RNF8: variants seen among roughly 807,000 people sequenced by gnomAD.
RNF8 encodes the protein ring finger protein 8.
A neutral mutation model predicts 59.3 loss-of-function variants in RNF8; 8 were observed. The ratio of observed to expected loss-of-function variants is 0.13; its 90% confidence interval spans 0.08 to 0.24. RNF8 has a LOEUF of 0.24. RNF8 is among the 10% of genes least tolerant of loss of function. The pLI, the probability that RNF8 is intolerant of heterozygous loss-of-function variation, is 1.00. For missense variants in RNF8, 406 were observed against 572.6 expected, an observed-to-expected ratio of 0.71 and a Z score of 2.97; for synonymous variants, 162 against 200.0, an observed-to-expected ratio of 0.81 and a Z score of 1.60.
At chr6:37,380,793 G>A (rs565350588) in intron 6 of RNF8, among the ~76,000 whole-genome samples, 4 of 151,656 alleles carry the variant, frequency 2.6e-5, no homozygotes, top group South Asian at 2.1e-4. Context: ...AGCAATTCTC[G>A]TGCCTCAGCC....
chr6:37,371,165 C>A (rs1769785504), intron 3 of RNF8, among the ~76,000 whole-genome samples: 1 of 152,102 alleles, frequency 6.6e-6, no homozygotes, highest in African/African-American at 2.4e-5. Context: ...GGAATTACAT[C>A]TGAGTTTAGG....
At position 37,386,330 on chromosome 6, in the gene RNF8, C is replaced by T. The variant is rs534337577; in HGVS notation, c.1442-4412C>T. ...TTGTCTCTGTAATCCTTGTGATTTC[C>T]GAATGGTCCTTCCATCTGGAGGTCA... On this transcript the variant is annotated intron_variant, in intron 7 of 7. Transcript: ENST00000373479. 6.6e-4 allele frequency among the ~76,000 whole-genome samples: 101 copies of T among 152,174 alleles called. 1 individual carries two copies. Among genetic ancestry groups the T allele is most frequent in the Non-Finnish European group, 1.2e-3 (84 of 68,006 alleles).
chr6:37,382,599 G>A (rs1770320031), intron 7 of RNF8, among the ~76,000 whole-genome samples: 1 of 152,086 alleles, frequency 6.6e-6, no homozygotes, highest in Admixed American at 6.6e-5. Flanking sequence ...GGTGGACCTA[G>A]GGACACCCAT....
At chr6:37,382,526 G>C (rs905030265) in intron 7 of RNF8, among the ~76,000 whole-genome samples, 8 of 152,094 alleles carry the variant, frequency 5.3e-5, no homozygotes, top group Admixed American at 5.2e-4. Context: ...CTTTTTGAGA[G>C]GAGCAGTGAT....
At chr6:37,358,195 C>T (rs1040898883) in intron 1 of RNF8, among the ~76,000 whole-genome samples, 2 of 152,150 alleles carry the variant, frequency 1.3e-5, no homozygotes, top group East Asian at 3.9e-4. Flanking sequence ...GGAACAACAA[C>T]AACAAAAAAG....
intron 7 of RNF8, 85 bp downstream of exon 7, chr6:37,381,439 G>A: frequency 1.6e-6 from 2 of 1,244,830 alleles, no homozygotes; most frequent in South Asian, 2.8e-5. Flanking sequence ...AAGAGAAAGA[G>A]TCAGATAAAC....
chr6:37,377,350 T>G (rs1233509551), intron 6 of RNF8, among the ~76,000 whole-genome samples: 3 of 152,188 alleles, frequency 2.0e-5, no homozygotes, highest in Non-Finnish European at 4.4e-5. Flanking sequence ...GTGCTGGGAT[T>G]ACAGGTGTGA....
At chr6:37,356,923 G>A (rs1562082664) in intron 1 of RNF8, among the ~76,000 whole-genome samples, 1 of 152,208 alleles carries the variant, frequency 6.6e-6, no homozygotes, top group Non-Finnish European at 1.5e-5. Flanking sequence ...GTTTTCAATA[G>A]AGGTGGGGTT....
intron 6 of RNF8, among the ~76,000 whole-genome samples, chr6:37,377,547 C>T (rs1210702329): frequency 6.6e-6 from 1 of 152,202 alleles, no homozygotes; most frequent in Non-Finnish European, 1.5e-5. Flanking sequence ...TCTTTCCCTT[C>T]ACTGTCCTTT....
At chr6:37,367,748 A>T (rs897462196) in intron 2 of RNF8, among the ~76,000 whole-genome samples, 1 of 152,222 alleles carries the variant, frequency 6.6e-6, no homozygotes, top group African/African-American at 2.4e-5. Flanking sequence ...TCATTGTGCT[A>T]AGTGATTTAC....
intron 4 of RNF8, among the ~76,000 whole-genome samples, chr6:37,373,770 G>C (rs1258118748): frequency 6.6e-6 from 1 of 152,180 alleles, no homozygotes; most frequent in Non-Finnish European, 1.5e-5. Flanking sequence ...AGTGTGTCAA[G>C]TTGAAGACCC....
rs534792313 is a variant in RNF8 at position 37,363,399 on chromosome 6, G to A, written c.240+2825G>A. ...ATGTTTGCTACACATTATAGTCAATGAAGGGTTTATACTGAGGTATCTGCA... is the reference window on the plus strand; with the variant it reads ...ATGTTTGCTACACATTATAGTCAATAAAGGGTTTATACTGAGGTATCTGCA... On this transcript the variant is annotated intron_variant, in intron 2 of 7. Transcript: ENST00000373479. Among the ~76,000 whole-genome samples the A allele has an allele frequency of 9.2e-5, 14 of 152,330 alleles. No homozygotes were observed. In the South Asian group the frequency reaches 2.9e-3, roughly 32 times the overall value.
At chr6:37,354,951 G>A (rs534311986) in intron 1 of RNF8, among the ~76,000 whole-genome samples, 1 of 152,358 alleles carries the variant, frequency 6.6e-6, no homozygotes, top group East Asian at 1.9e-4. Context: ...GAGGAACATG[G>A]GCGGCTTGGG....
chr6:37,380,670 CAAA>C (rs1270420232), intron 6 of RNF8, among the ~76,000 whole-genome samples: 4 of 105,158 alleles, frequency 3.8e-5, no homozygotes, highest in African/African-American at 9.6e-5. Flanking sequence ...GACTCCGTCT[CAAA>C]AAAAAAAAAA....
Position 37,354,191 on chromosome 6 carries a change from A to C in RNF8, c.27A>C (p.Thr9=). MGEPGFFV[T]GDRAGGRSWC... Reference sequence around the variant, plus strand: ...TGGGGGAGCCCGGCTTCTTCGTCACAGGAGACCGCGCCGGTGGCCGGAGCT... The same window carrying C: ...TGGGGGAGCCCGGCTTCTTCGTCACCGGAGACCGCGCCGGTGGCCGGAGCT... The change falls in exon 1 of 8, where the codon ACA becomes ACC. Residue 9 remains threonine, a synonymous_variant. Coordinates refer to ENST00000373479, the MANE Select transcript of RNF8 (RefSeq NM_003958.4). 6.3e-7 allele frequency: 1 copy of C among 1,583,864 alleles called. No individual in the cohort carries two copies. Among genetic ancestry groups the C allele is most frequent in the Non-Finnish European group, 8.6e-7 (1 of 1,165,894 alleles).
intron 1 of RNF8, among the ~76,000 whole-genome samples, chr6:37,354,948 A>G (rs565288424): frequency 2.0e-5 from 3 of 152,204 alleles, no homozygotes; most frequent in Non-Finnish European, 4.4e-5. Flanking sequence ...TCTGAGGAAC[A>G]TGGGCGGCTT....
At chr6:37,367,113 A>G (rs972339254) in intron 2 of RNF8, among the ~76,000 whole-genome samples, 87 of 152,240 alleles carry the variant, frequency 5.7e-4, no homozygotes, top group African/African-American at 2.0e-3. Flanking sequence ...CAGTTGAACC[A>G]AGGCATAGTA....
chr6:37,358,364 T>A (rs1293947041), intron 1 of RNF8, among the ~76,000 whole-genome samples: 3 of 152,208 alleles, frequency 2.0e-5, no homozygotes, highest in Admixed American at 6.5e-5. Context: ...TTAAAATTTT[T>A]ACATTTCTAT....
Position 37,368,918 on chromosome 6 carries a change from C to A in RNF8, c.675C>A (p.Pro225=). The A allele has an allele frequency of 6.2e-7, 1 of 1,614,178 alleles. No individual in the cohort carries two copies. Among genetic ancestry groups the A allele is most frequent in the Non-Finnish European group, 8.5e-7 (1 of 1,180,030 alleles). Residue 225 remains proline (P), a synonymous_variant, in exon 3 of 8, where the codon CCC becomes CCA. Coordinates refer to ENST00000373479, the MANE Select transcript of RNF8 (RefSeq NM_003958.4). Reference sequence around the variant, plus strand: ...GGGCTCCCATTTACCCTGGCTTCCCCAAAGTCACAGAGGTTCATCATGAGC... The same window carrying A: ...GGGCTCCCATTTACCCTGGCTTCCCAAAAGTCACAGAGGTTCATCATGAGC... ...TTGAPIYPGF[P]KVTEVHHEQK... is the part of the protein sequence containing the mutation.
Sources: allele counts gnomAD v4.1 joint callset (sites outside exome capture counted in the v4.1 genomes callset), GRCh38; gene constraint gnomAD v4.1.1; transcripts MANE v1.5; gene names NCBI Gene and HGNC (gene_info 2026-07-23, HGNC 2026-07-21).